The following MEIS1 variants were observed in gnomAD, a reference collection of about 807,000 sequenced individuals.
MEIS1 encodes the protein Meis homeobox 1.
Under a neutral mutation model 50.8 loss-of-function variants are expected in MEIS1, and 5 were observed. The observed-to-expected ratio is 0.10, with a 90% confidence interval of 0.05 to 0.21. The LOEUF (loss-of-function observed/expected upper bound fraction) is 0.21, where lower values mean the gene tolerates loss of function less well. Among genes scored for constraint, MEIS1 ranks in the 10% least tolerant of loss-of-function variants. MEIS1 has a pLI of 1.00. For synonymous variants in MEIS1, 176 were observed against 179.3 expected, an observed-to-expected ratio of 0.98 and a Z score of 0.15; for missense variants, 318 against 517.3, an observed-to-expected ratio of 0.61 and a Z score of 3.74.
In MEIS1 at chr2:66,443,035, A is replaced by C; in HGVS notation, c.617A>C (p.Asn206Thr). ...SDSEDITRSA[N>T]LTDQPSWNRD... ...AGTGAAGATATAACAAGATCAGCAA[A>C]TCTAACTGACCAGGTATGCGCTTTT... The change falls in exon 6 of 13, where the codon AAT becomes ACT. Residue 206 changes from asparagine (N) to threonine (T), a missense_variant. Physicochemically the swap from Asn to Thr is moderately conservative, Grantham distance 65 (BLOSUM62 0). This residue lies in a region of MEIS1 where 48 missense variants were observed against 50.9 expected (regional missense o/e 0.94). Transcript: ENST00000272369. The C allele has an allele frequency of 6.3e-7, 1 of 1,598,338 alleles. No individual in the cohort carries two copies. The highest frequency in any genetic ancestry group is 1.3e-5 in the African/African-American group (1 of 74,110).
chr2:66,524,623 C>T (rs1314133318), intron 8 of MEIS1, among the ~76,000 whole-genome samples: 1 of 151,948 alleles, frequency 6.6e-6, no homozygotes, highest in Non-Finnish European at 1.5e-5. Context: ...TAAGTCATAT[C>T]ATTGGAAACA....
intron 6 of MEIS1, among the ~76,000 whole-genome samples, chr2:66,447,251 G>C (rs1427071864): frequency 6.6e-6 from 1 of 152,188 alleles, no homozygotes; most frequent in Non-Finnish European, 1.5e-5. Context: ...CCCTTTGTCA[G>C]GTAGTTTGTT....
intron 1 of MEIS1, among the ~76,000 whole-genome samples, chr2:66,437,147 T>C (rs1032768195): frequency 6.6e-6 from 1 of 152,212 alleles, no homozygotes; most frequent in Non-Finnish European, 1.5e-5. Flanking sequence ...TAGTTTTGTA[T>C]AATTTAGCAG....
chr2:66,567,973 A>T, intron 10 of MEIS1: 1 of 254,444 alleles, frequency 3.9e-6, no homozygotes, highest in South Asian at 5.9e-5. Context: ...GTGTGCTTTA[A>T]TAACCCAAGG....
At chr2:66,462,029 G>C (rs1435490380) in intron 6 of MEIS1, 2 of 346,760 alleles carry the variant, frequency 5.8e-6, no homozygotes, top group African/African-American at 2.2e-5. Context: ...CTGCACAGTA[G>C]AAAAGTGGGG....
At chr2:66,515,604 A>G (rs1462443473) in intron 8 of MEIS1, among the ~76,000 whole-genome samples, 1 of 152,162 alleles carries the variant, frequency 6.6e-6, no homozygotes, top group Non-Finnish European at 1.5e-5. Context: ...GAAAATAATA[A>G]AAGAAAAAGG....
At chr2:66,485,695 A>G (rs954134700) in intron 7 of MEIS1, among the ~76,000 whole-genome samples, 1 of 152,172 alleles carries the variant, frequency 6.6e-6, no homozygotes, top group African/African-American at 2.4e-5. Flanking sequence ...ACAATGGTTG[A>G]ATTAGTTTAC....
intron 7 of MEIS1, among the ~76,000 whole-genome samples, chr2:66,468,743 C>T (rs953085557): frequency 5.3e-5 from 8 of 152,164 alleles, no homozygotes; most frequent in African/African-American, 7.2e-5. Context: ...CTGAACCTGG[C>T]GCTGTGCTCC....
At chr2:66,452,841 A>G (rs747741373) in intron 6 of MEIS1, among the ~76,000 whole-genome samples, 1 of 151,968 alleles carries the variant, frequency 6.6e-6, no homozygotes, top group Non-Finnish European at 1.5e-5. Context: ...TAATAACAAA[A>G]TAAGCAAGAA....
chr2:66,511,707 A>G (rs574400306), intron 7 of MEIS1, among the ~76,000 whole-genome samples: 42 of 152,234 alleles, frequency 2.8e-4, no homozygotes, highest in Middle Eastern at 3.2e-3. Context: ...ACTTGTGGAA[A>G]TAGTTGATAT....
At chr2:66,494,804 G>C (rs957357870) in intron 7 of MEIS1, among the ~76,000 whole-genome samples, 4 of 152,098 alleles carry the variant, frequency 2.6e-5, no homozygotes, top group African/African-American at 7.2e-5. Flanking sequence ...AAGAAGGAAG[G>C]CTCAGCAAAT....
At chr2:66,537,777 A>G (rs1674557370) in intron 8 of MEIS1, among the ~76,000 whole-genome samples, 1 of 152,094 alleles carries the variant, frequency 6.6e-6, no homozygotes, top group Non-Finnish European at 1.5e-5. Flanking sequence ...TTTCTCTTTG[A>G]TTTTTAAAGT....
intron 7 of MEIS1, among the ~76,000 whole-genome samples, chr2:66,478,286 C>G (rs892186297): frequency 6.6e-6 from 1 of 152,138 alleles, no homozygotes; most frequent in Non-Finnish European, 1.5e-5. Flanking sequence ...GGAAGCATTG[C>G]TTTTAGGCCC....
chr2:66,501,580 C>T (rs753515631), intron 7 of MEIS1, among the ~76,000 whole-genome samples: 1 of 146,382 alleles, frequency 6.8e-6, no homozygotes, highest in Non-Finnish European at 1.5e-5. Context: ...GAGGGGAATT[C>T]AAGTCAAAAA....
intron 8 of MEIS1, among the ~76,000 whole-genome samples, chr2:66,514,270 T>C (rs1222743317): frequency 6.6e-6 from 1 of 152,082 alleles, no homozygotes; most frequent in Non-Finnish European, 1.5e-5. Context: ...CAGCCACTAG[T>C]TTTCCTGTTT....
chr2:66,482,660 C>T (rs1226421081), intron 7 of MEIS1, among the ~76,000 whole-genome samples: 1 of 152,188 alleles, frequency 6.6e-6, no homozygotes, highest in African/African-American at 2.4e-5. Context: ...GTATAGAGGG[C>T]ATTGTGCTAA....
At chr2:66,463,795 A>T (rs575278726) in intron 6 of MEIS1, among the ~76,000 whole-genome samples, 5 of 152,308 alleles carry the variant, frequency 3.3e-5, no homozygotes, top group African/African-American at 1.2e-4. Context: ...GTTGATGTTG[A>T]AAATATAGTC....
At chr2:66,437,581 T>C (rs1050025397) in intron 1 of MEIS1, 156 bp from the exon 2 acceptor site, 4 of 655,846 alleles carry the variant, frequency 6.1e-6, no homozygotes, top group Non-Finnish European at 1.1e-5. Flanking sequence ...GCTTTAATTT[T>C]AAAATAAGAA....
chr2:66,569,641 A>G (rs1675435600), intron 12 of MEIS1: 1 of 152,876 alleles, frequency 6.5e-6, no homozygotes, highest in African/African-American at 2.4e-5. Flanking sequence ...TTTGAGCTCC[A>G]GTCAACTAAA....
Sources: allele counts gnomAD v4.1 joint callset (sites outside exome capture counted in the v4.1 genomes callset), GRCh38; gene constraint gnomAD v4.1.1; regional missense constraint gnomAD v4.1.1; transcripts MANE v1.5; gene names NCBI Gene and HGNC (gene_info 2026-07-23, HGNC 2026-07-21).